The following PARD3 variants were observed in gnomAD, a reference collection of about 807,000 sequenced individuals.
PARD3 encodes the protein par-3 family cell polarity regulator, also known as partitioning defective 3 homolog.
Under a neutral mutation model 155.4 loss-of-function variants are expected in PARD3, and 75 were observed. The ratio of observed to expected loss-of-function variants is 0.48; its 90% confidence interval spans 0.40 to 0.58. The LOEUF is 0.58. PARD3 is among the 20% of genes least tolerant of loss of function. The pLI is 0.00. For missense variants in PARD3, 1,642 were observed against 1,721.7 expected, an observed-to-expected ratio of 0.95 and a Z score of 0.82; for synonymous variants, 576 against 610.5, an observed-to-expected ratio of 0.94 and a Z score of 0.83.
intron 22 of PARD3, among the ~76,000 whole-genome samples, chr10:34,142,966 A>G (rs1033018548): frequency 3.9e-5 from 6 of 152,214 alleles, no homozygotes; most frequent in African/African-American, 1.4e-4. Flanking sequence ...ATGAAATTCA[A>G]TGTTACAGGT....
At chr10:34,496,605 AG>A (rs1202588146) in intron 3 of PARD3, among the ~76,000 whole-genome samples, 1 of 152,234 alleles carries the variant, frequency 6.6e-6, no homozygotes, top group Non-Finnish European at 1.5e-5. Context: ...TAGATACCAC[AG>A]GGATGGATTC....
intron 2 of PARD3, among the ~76,000 whole-genome samples, chr10:34,539,519 G>A (rs891170173): frequency 6.6e-6 from 1 of 152,150 alleles, no homozygotes; most frequent in Non-Finnish European, 1.5e-5. Context: ...AATTAGCCAG[G>A]TGTGGTGGCG....
Position 34,284,156 on chromosome 10 carries a change from C to G in PARD3, c.3155G>C (p.Arg1052Pro). The change falls in exon 21 of 25, where the codon CGA becomes CCA. Residue 1052 changes from arginine (R) to proline (P), a missense_variant. By Grantham distance (103) the Arg-to-Pro change is moderately radical. Coordinates refer to ENST00000374788, the MANE Select transcript of PARD3 (RefSeq NM_001184785.2). ...CTACCTCTCCTGCTCCTGCTTCATT[C>G]GTATCCTCTCCTCTTCTGATGTAAA... ...ESFTSEEERI[R>P]MKQEQERIQA... is the part of the protein sequence containing the mutation. The G allele has an allele frequency of 6.3e-7, 1 of 1,598,308 alleles. No individual in the cohort carries two copies. Among genetic ancestry groups the G allele is most frequent in the East Asian group, 2.3e-5 (1 of 44,224 alleles).
rs527842298 is a variant in PARD3 at position 34,793,269 on chromosome 10, C to T, written c.120+21607G>A. ...AGAGTATCCCAGGCCAGGGACAACT[C>T]ACGAACACAAGGGAGCTGGAGGGCA... is the stretch of plus-strand genomic sequence containing the variant. On this transcript the variant is annotated intron_variant, in intron 1 of 24. Transcript: ENST00000374788. 4.6e-5 allele frequency among the ~76,000 whole-genome samples: 7 copies of T among 152,276 alleles called. No individual in the cohort carries two copies. The East Asian group carries it at 5.8e-4, about 13-fold the overall frequency.
At chr10:34,520,991 G>T (rs1293669309) in intron 2 of PARD3, among the ~76,000 whole-genome samples, 2 of 152,104 alleles carry the variant, frequency 1.3e-5, no homozygotes, top group African/African-American at 4.8e-5. Flanking sequence ...TGACATTTTG[G>T]TGCTTAATTG....
At chr10:34,497,559 G>A (rs574536190) in intron 3 of PARD3, among the ~76,000 whole-genome samples, 2 of 152,180 alleles carry the variant, frequency 1.3e-5, no homozygotes, top group South Asian at 2.1e-4. Context: ...GAAGTCACAC[G>A]TTCACCATAA....
chr10:34,587,066 G>A (rs537664609), intron 2 of PARD3, among the ~76,000 whole-genome samples: 1 of 152,274 alleles, frequency 6.6e-6, no homozygotes, highest in South Asian at 2.1e-4. Context: ...GGGTAGACAT[G>A]GTAAATTAAG....
At chr10:34,613,204 T>G (rs959359701) in intron 2 of PARD3, among the ~76,000 whole-genome samples, 1 of 152,166 alleles carries the variant, frequency 6.6e-6, no homozygotes, top group African/African-American at 2.4e-5. Flanking sequence ...AAAAATACAT[T>G]TAAAACATAG....
intron 2 of PARD3, among the ~76,000 whole-genome samples, chr10:34,553,573 C>G (rs1323367496): frequency 1.3e-5 from 2 of 152,164 alleles, no homozygotes; most frequent in African/African-American, 4.8e-5. Flanking sequence ...ATGCAAGGTA[C>G]TGGCATGTTG....
intron 21 of PARD3, among the ~76,000 whole-genome samples, chr10:34,272,505 G>C (rs1008033004): frequency 6.6e-6 from 1 of 152,120 alleles, no homozygotes; most frequent in Admixed American, 6.6e-5. Context: ...TGATGGGGGC[G>C]TGCTGCTTGA....
intron 12 of PARD3, among the ~76,000 whole-genome samples, chr10:34,367,369 G>A (rs549038834): frequency 3.0e-4 from 45 of 152,240 alleles, no homozygotes; most frequent in Admixed American, 4.6e-4. Flanking sequence ...TAATACAATC[G>A]ATTTAATCAT....
chr10:34,280,986 AATCCTGTACC>A (rs1233659352), intron 21 of PARD3, among the ~76,000 whole-genome samples: 2 of 152,188 alleles, frequency 1.3e-5, no homozygotes, highest in African/African-American at 4.8e-5. Context: ...AACACTGGGC[AATCCTGTACC>A]ACATAGTGTA....
chr10:34,346,335 G>T (rs369513219), intron 15 of PARD3: 11 of 1,275,614 alleles, frequency 8.6e-6, no homozygotes, highest in African/African-American at 6.2e-5. Flanking sequence ...TTTTTGGTTT[G>T]AGTTTTAGTT....
intron 10 of PARD3, among the ~76,000 whole-genome samples, chr10:34,375,488 T>A (rs182100766): frequency 6.6e-6 from 1 of 152,080 alleles, no homozygotes; most frequent in Admixed American, 6.6e-5. Context: ...TAAATATAAA[T>A]AAAACACTTT....
chr10:34,348,172 A>C, intron 14 of PARD3, 57 bp from the exon 15 acceptor site: 1 of 1,460,458 alleles, frequency 6.8e-7, no homozygotes, highest in Non-Finnish European at 9.2e-7. Flanking sequence ...GCCAATTAGC[A>C]GCATGGGAGA....
In PARD3 at chr10:34,524,189, A is replaced by G. The variant is rs553519366; in HGVS notation, c.223-7030T>C. ...AATCTTTAATAAAGCCATTTCCAGC[A>G]AAATATCATGCAGGAGAGGGCAGAA... On this transcript the variant is annotated intron_variant, in intron 2 of 24. Coordinates refer to ENST00000374788, the MANE Select transcript of PARD3 (RefSeq NM_001184785.2). Among the ~76,000 whole-genome samples the G allele has an allele frequency of 2.0e-5, 3 of 152,350 alleles. No homozygotes were observed. In the South Asian group the frequency reaches 6.2e-4, roughly 32 times the overall value.
At chr10:34,814,738 G>T in intron 1 of PARD3, 138 bp downstream of exon 1, 1 of 691,616 alleles carries the variant, frequency 1.4e-6, no homozygotes, top group East Asian at 3.5e-5. Flanking sequence ...GGCGGGGGGC[G>T]CCCGCGAGGC....
At chr10:34,752,741 G>A (rs995905893) in intron 1 of PARD3, among the ~76,000 whole-genome samples, 6 of 152,118 alleles carry the variant, frequency 3.9e-5, no homozygotes, top group East Asian at 1.9e-4. Context: ...ATCAGAAGGC[G>A]GACGCTATTA....
At chr10:34,775,259 T>C (rs1431570084) in intron 1 of PARD3, among the ~76,000 whole-genome samples, 1 of 152,180 alleles carries the variant, frequency 6.6e-6, no homozygotes. Flanking sequence ...GGCTCACACC[T>C]GTAATCCCAA....
Sources: gnomAD v4.1 joint callset for allele counts (sites outside exome capture counted in the v4.1 genomes callset) on GRCh38, gnomAD v4.1.1 for gene constraint, MANE v1.5 for transcripts, NCBI Gene and HGNC (gene_info 2026-07-23, HGNC 2026-07-21) for gene names.